Variants in PACS1 observed in about 807,000 individuals in gnomAD.
PACS1 encodes the protein phosphofurin acidic cluster sorting protein 1.
A neutral mutation model predicts 115.0 loss-of-function variants in PACS1; 24 were observed. That is an observed-to-expected ratio of 0.21 (90% CI 0.15 to 0.29). The LOEUF (loss-of-function observed/expected upper bound fraction) is 0.29, where lower values mean the gene tolerates loss of function less well. Ranked by LOEUF, PACS1 falls within the 10% of genes least tolerant of loss-of-function variation. The pLI is 1.00. For missense variants in PACS1, 838 were observed against 1,251.2 expected, an observed-to-expected ratio of 0.67 and a Z score of 4.98; for synonymous variants, 453 against 504.5, an observed-to-expected ratio of 0.90 and a Z score of 1.37.
Position 66,233,269 on chromosome 11 carries a change from C to A in PACS1, c.1838+203C>A, listed in dbSNP as rs1855638009. Among the ~76,000 whole-genome samples, 1 of 152,184 alleles carries A rather than the reference C, an allele frequency of 6.6e-6. No homozygotes were observed. The highest frequency in any genetic ancestry group is 1.5e-5 in the Non-Finnish European group (1 of 68,030). On this transcript the variant is annotated intron_variant, in intron 15 of 23. Transcript: ENST00000320580. This position sits in a 1 kb window ranked among gnomAD's most constrained non-coding sequence, Gnocchi z 4.5. ...CCCAGAGGATCGGGGGTGGAAATATCAATTCCTGTGCTCCCTGCCTCCCTG... is the reference window on the plus strand; with the variant it reads ...CCCAGAGGATCGGGGGTGGAAATATAAATTCCTGTGCTCCCTGCCTCCCTG...
chr11:66,238,020 G>C (rs926285712), intron 19 of PACS1: 3 of 976,840 alleles, frequency 3.1e-6, no homozygotes, highest in Non-Finnish European at 3.6e-6. Context: ...CTGGGCCCAG[G>C]TGATAGGGCC....
Position 66,105,380 on chromosome 11 carries a change from G to A in PACS1, c.356+34538G>A, listed in dbSNP as rs759841278. ...AGAGGTTGCAGTGAGCTGAGACTGC[G>A]CCATTGCACTCCATCCTGGGCAACA... On this transcript the variant is annotated intron_variant, in intron 1 of 23. Transcript: ENST00000320580. Among the ~76,000 whole-genome samples the A allele has an allele frequency of 8.8e-4, 134 of 152,208 alleles. 1 individual carries two copies. The highest frequency in any genetic ancestry group is 1.2e-3 in the Non-Finnish European group (81 of 68,012).
rs71036281 is a variant in PACS1, at chr11:66,224,195, C to CAAAAAAAA, written c.1293+2962_1293+2969dup. 3.7e-5 allele frequency among the ~76,000 whole-genome samples: 3 copies of CAAAAAAAA among 81,330 alleles called. 1 individual carries two copies. Among genetic ancestry groups the CAAAAAAAA allele is most frequent in the Non-Finnish European group, 6.7e-5 (3 of 44,946 alleles). The allele number at this position is 81,330 out of a possible 152,430, so 53.4% of individuals were successfully genotyped here. A position where few individuals can be genotyped will look rare whatever the true frequency, so the allele number is the denominator to read the frequency against. On this transcript the variant is annotated intron_variant, in intron 10 of 23. Transcript: ENST00000320580. ...TGGGTAACAGAGCAAGACTCCATCT[C>CAAAAAAAA]AAAAAAAAAAAAAAAAAAAAAGCCA...
intron 1 of PACS1, among the ~76,000 whole-genome samples, chr11:66,176,882 G>A (rs1394150231): frequency 6.6e-6 from 1 of 152,120 alleles, no homozygotes; most frequent in Admixed American, 6.5e-5. Context: ...CAGGAAAGAC[G>A]TCAGACACTC....
At position 66,243,533 on chromosome 11, in the gene PACS1, G is replaced by GT; in HGVS notation, c.*257dup. ...CCTGCTCCAGGCCCAAGGCGTGTTGGTTTTGCCTTCTGGTGCCCATAGTCC... is the reference window on the plus strand; with the variant it reads ...CCTGCTCCAGGCCCAAGGCGTGTTGGTTTTTGCCTTCTGGTGCCCATAGTCC... On this transcript the variant is annotated 3_prime_UTR_variant, in exon 24 of 24. Coordinates refer to ENST00000320580, the MANE Select transcript of PACS1 (RefSeq NM_018026.4). 1 of 526,864 alleles carries GT rather than the reference G, an allele frequency of 1.9e-6. No individual in the cohort carries two copies. The highest frequency in any genetic ancestry group is 3.4e-6 in the Non-Finnish European group (1 of 290,514). The allele number at this position is 526,864 out of a possible 1,614,324, so 32.6% of individuals were successfully genotyped here.
chr11:66,154,589 A>G (rs1007285787), intron 1 of PACS1, among the ~76,000 whole-genome samples: 24 of 152,234 alleles, frequency 1.6e-4, no homozygotes, highest in African/African-American at 5.8e-4. Flanking sequence ...AACTGGAAAA[A>G]AAATTTTAAG....
At chr11:66,221,121 C>T (rs777904940) in intron 9 of PACS1, 33 bp from the exon 10 acceptor site, 1 of 1,573,362 alleles carries the variant, frequency 6.4e-7, no homozygotes, top group South Asian at 1.1e-5. Flanking sequence ...TGAGCCCTGG[C>T]AGCACTGACC....
chr11:66,078,677 C>T (rs1467734254), intron 1 of PACS1, among the ~76,000 whole-genome samples: 1 of 152,212 alleles, frequency 6.6e-6, no homozygotes, highest in East Asian at 1.9e-4. Context: ...CCTTAGACTC[C>T]CAAGTAGCTG....
At chr11:66,152,757 G>C (rs1859270372) in intron 1 of PACS1, among the ~76,000 whole-genome samples, 1 of 152,168 alleles carries the variant, frequency 6.6e-6, no homozygotes, top group Non-Finnish European at 1.5e-5. Flanking sequence ...GTAGAGAAAA[G>C]TGACACATTA....
Position 66,244,319 on chromosome 11 carries a change from C to T in PACS1, c.*1039C>T, listed in dbSNP as rs1052013409. 2.2e-4 allele frequency: 33 copies of T among 152,524 alleles called. No individual in the cohort carries two copies. Among genetic ancestry groups the T allele is most frequent in the African/African-American group, 7.7e-4 (32 of 41,446 alleles). The allele number at this position is 152,524 out of a possible 1,614,324, so 9.4% of individuals were successfully genotyped here. ...TTCTTCCCCCTCCTTAGGCCCCAGCCTGGGCCCAGACCCATCCTCCCAGCC... is the reference window on the plus strand; with the variant it reads ...TTCTTCCCCCTCCTTAGGCCCCAGCTTGGGCCCAGACCCATCCTCCCAGCC... On this transcript the variant is annotated 3_prime_UTR_variant, in exon 24 of 24. Coordinates refer to ENST00000320580, the MANE Select transcript of PACS1 (RefSeq NM_018026.4).
chr11:66,071,405 C>T (rs1339628859), intron 1 of PACS1, among the ~76,000 whole-genome samples: 1 of 152,122 alleles, frequency 6.6e-6, no homozygotes. Flanking sequence ...AATGTGTCCT[C>T]AAGTGTATTT....
intron 1 of PACS1, among the ~76,000 whole-genome samples, chr11:66,164,937 T>A (rs1447313047): frequency 6.6e-6 from 1 of 152,102 alleles, no homozygotes; most frequent in Non-Finnish European, 1.5e-5. Context: ...CAAGCTGTGC[T>A]AGAAATTGAG....
chr11:66,127,199 G>C (rs552376483), intron 1 of PACS1, among the ~76,000 whole-genome samples: 231 of 152,350 alleles, frequency 1.5e-3, no homozygotes, highest in Admixed American at 5.4e-3. Context: ...CAAAGACTCA[G>C]TGTTGAGACT....
chr11:66,136,323 TCACACACA>T (rs61577143), intron 1 of PACS1, among the ~76,000 whole-genome samples: 72 of 145,888 alleles, frequency 4.9e-4, no homozygotes, highest in African/African-American at 7.7e-4. Flanking sequence ...AATCCCACTG[TCACACACA>T]CACACACACA....
chr11:66,159,413 G>C (rs1859438072), intron 1 of PACS1, among the ~76,000 whole-genome samples: 1 of 151,954 alleles, frequency 6.6e-6, no homozygotes, highest in South Asian at 2.1e-4. Flanking sequence ...CTCCAGCCTG[G>C]GCAACAAGAG....
intron 1 of PACS1, chr11:66,100,621 G>A (rs1309742778): frequency 2.9e-6 from 1 of 344,974 alleles, no homozygotes; most frequent in Non-Finnish European, 5.8e-6. Flanking sequence ...CTTAAAATAA[G>A]GGAAGAACTA....
At chr11:66,221,313 C>G in intron 10 of PACS1, 66 bp downstream of exon 10, 1 of 1,306,764 alleles carries the variant, frequency 7.7e-7, no homozygotes, top group Non-Finnish European at 1.1e-6. Context: ...CGCTCTGGCC[C>G]TCTGCATCTC....
intron 1 of PACS1, among the ~76,000 whole-genome samples, chr11:66,188,079 T>G (rs1345063675): frequency 6.6e-6 from 1 of 152,190 alleles, no homozygotes; most frequent in East Asian, 1.9e-4. Flanking sequence ...TTGAATTTTT[T>G]TTTTATATGT....
intron 1 of PACS1, among the ~76,000 whole-genome samples, chr11:66,127,879 C>CA: frequency 6.6e-6 from 1 of 152,306 alleles, no homozygotes; most frequent in Non-Finnish European, 1.5e-5. Flanking sequence ...TATGTGTGCA[C>CA]ACCACCACCT....
Sources: allele counts gnomAD v4.1 joint callset (sites outside exome capture counted in the v4.1 genomes callset), GRCh38; gene constraint gnomAD v4.1.1; non-coding constraint Gnocchi (gnomAD v3.1); transcripts MANE v1.5; gene names NCBI Gene and HGNC (gene_info 2026-07-23, HGNC 2026-07-21).